TULP4: variants seen among roughly 807,000 people sequenced by gnomAD.
TULP4 encodes TUB like protein 4.
TULP4 carries 16 observed loss-of-function variants against 129.0 expected under a neutral mutation model. The observed-to-expected ratio is 0.12, with a 90% CI of 0.08 to 0.19. The LOEUF is 0.19. Ranked by LOEUF, TULP4 falls within the 10% of genes least tolerant of loss-of-function variation. TULP4 has a pLI of 1.00. For missense variants in TULP4, 1,842 were observed against 2,059.1 expected (o/e 0.89, Z 2.04); for synonymous variants, 998 against 854.0 (o/e 1.17, Z -2.94).
At position 158,347,484 on chromosome 6, in the gene TULP4, C is replaced by T. The variant is rs142655522; in HGVS notation, c.252+33216C>T. ...TGGACTTTTCTTTTAGTCCACATAA[C>T]GGCCAAAATAGTATTTACAAGCATC... On this transcript the variant is annotated intron_variant, in intron 1 of 13. Transcript: ENST00000367097. 5.9e-4 allele frequency among the ~76,000 whole-genome samples: 90 copies of T among 152,318 alleles called. 1 individual carries two copies. In the East Asian group the frequency reaches 9.6e-3, roughly 16 times the overall value.
At position 158,380,819 on chromosome 6, in the gene TULP4, A is replaced by G. The variant is rs528920118; in HGVS notation, c.253-32246A>G. Among the ~76,000 whole-genome samples, 71 of 148,950 alleles carry G rather than the reference A, an allele frequency of 4.8e-4. 1 individual carries two copies. Among genetic ancestry groups the G allele is most frequent in the African/African-American group, 1.7e-3 (67 of 40,494 alleles). ...TGAGGCAAGAGAATTACTGGAACCC[A>G]GGAGGCAGAGGTTGCAGTGAGCCGA... On this transcript the variant is annotated intron_variant, in intron 1 of 13. Transcript: ENST00000367097.
chr6:158,243,417 G>A (rs963688149), intron 1 of TULP4, among the ~76,000 whole-genome samples: 24 of 146,152 alleles, frequency 1.6e-4, no homozygotes, highest in African/African-American at 4.7e-4. Flanking sequence ...GTGTGTATGG[G>A]CGTGTACGTG....
At position 158,504,142 on chromosome 6, in the gene TULP4, C is replaced by T. The variant is rs113907592; in HGVS notation, c.4479C>T (p.Ser1493=). ...LDFGGRVTQE[S]AKNFQIELEG... ...TCGGGGGGCGGGTGACCCAGGAGTC[C>T]GCCAAGAACTTCCAGATTGAGTTAG... The change falls in exon 13 of 14, where the codon TCC becomes TCT. Residue 1493 remains serine, a synonymous_variant. Coordinates refer to ENST00000367097, the MANE Select transcript of TULP4 (RefSeq NM_020245.5). The T allele has an allele frequency of 5.4e-5, 87 of 1,604,778 alleles. No homozygotes were observed. Among genetic ancestry groups the T allele is most frequent in the Middle Eastern group, 3.3e-4 (2 of 6,036 alleles).
intron 8 of TULP4, 38 bp downstream of exon 8, chr6:158,481,327 C>T (rs1779940597): frequency 6.3e-7 from 1 of 1,577,892 alleles, no homozygotes; most frequent in Non-Finnish European, 8.6e-7. Context: ...CCTTGTTCTC[C>T]TGTGGTCATG....
Position 158,503,025 on chromosome 6 carries a change from C to T in TULP4, c.3362C>T (p.Pro1121Leu), listed in dbSNP as rs751594751. Residue 1121 changes from proline to leucine, a missense_variant, in exon 13 of 14, where the codon CCT (proline) becomes CTT (leucine). Coordinates refer to ENST00000367097, the MANE Select transcript of TULP4 (RefSeq NM_020245.5). The surrounding 1 kb of genome is among the most constrained non-coding windows in gnomAD (Gnocchi z 4.3). ...GCTGTCACCCTGAAACGGCCACCCC[C>T]TTACCAGTGGGACCCCATGCTGGGT... Reference protein sequence around the residue: ...EAAVTLKRPPPYQWDPMLGED... With the variant: ...EAAVTLKRPPLYQWDPMLGED... The T allele has an allele frequency of 1.1e-5, 18 of 1,614,176 alleles. No individual in the cohort carries two copies. Among genetic ancestry groups the T allele is most frequent in the South Asian group, 3.3e-5 (3 of 91,084 alleles).
At chr6:158,237,425 G>C (rs565508705) in intron 1 of TULP4, 2 of 1,592,302 alleles carry the variant, frequency 1.3e-6, no homozygotes, top group Non-Finnish European at 1.7e-6. Flanking sequence ...TGTCTTGGGG[G>C]TATGATGTTA....
rs1368076397 is a variant in TULP4 at position 158,374,293 on chromosome 6, A to G, written c.253-38772A>G. The stretch of plus-strand genomic sequence containing the variant: ...CAGAGTGAGACCTTGTCTTTAAAGA[A>G]AAAAAAAAAAAAAAACAAGAAGTAA... On this transcript the variant is annotated intron_variant, in intron 1 of 13. Transcript: ENST00000367097. Among the ~76,000 whole-genome samples, 26 of 34,814 alleles carry G rather than the reference A, an allele frequency of 7.5e-4. No individual in the cohort carries two copies. In the South Asian group the frequency reaches 0.012, roughly 16 times the overall value. The allele number at this position is 34,814 out of a possible 152,430, so 22.8% of individuals were successfully genotyped here.
intron 1 of TULP4, among the ~76,000 whole-genome samples, chr6:158,314,653 C>G (rs903569812): frequency 6.6e-6 from 1 of 152,242 alleles, no homozygotes; most frequent in Non-Finnish European, 1.5e-5. Context: ...GAGTTACCCC[C>G]ACCCCTGATG....
Position 158,429,777 on chromosome 6 carries a change from T to G in TULP4, c.423T>G (p.Leu141=), listed in dbSNP as rs1562562956. 1 of 1,613,918 alleles carries G rather than the reference T, an allele frequency of 6.2e-7. No homozygotes were observed. Among genetic ancestry groups the G allele is most frequent in the East Asian group, 2.2e-5 (1 of 44,848 alleles). ...GGAGCCATGATGGAACTCAAGCACTTATTTCCTATCGAGATGGGTTTGTCC... is the reference window on the plus strand; with the variant it reads ...GGAGCCATGATGGAACTCAAGCACTGATTTCCTATCGAGATGGGTTTGTCC... ...FTWSHDGTQA[L]ISYRDGFVLV... The change falls in exon 3 of 14, where the codon CTT becomes CTG. Residue 141 remains leucine, a synonymous_variant. Coordinates refer to ENST00000367097, the MANE Select transcript of TULP4 (RefSeq NM_020245.5).
intron 3 of TULP4, among the ~76,000 whole-genome samples, chr6:158,438,694 C>G (rs910029770): frequency 3.3e-5 from 5 of 152,066 alleles, no homozygotes; most frequent in African/African-American, 1.2e-4. Context: ...AAGTGATTCT[C>G]CTACCTCAGC....
chr6:158,255,460 G>A (rs1454162975), intron 1 of TULP4, among the ~76,000 whole-genome samples: 2 of 152,092 alleles, frequency 1.3e-5, no homozygotes, highest in Admixed American at 6.6e-5. Context: ...TGACTGTAGG[G>A]GTGAGCCAGA....
At chr6:158,396,156 C>T (rs574285883) in intron 1 of TULP4, among the ~76,000 whole-genome samples, 1 of 152,276 alleles carries the variant, frequency 6.6e-6, no homozygotes, top group South Asian at 2.1e-4. Context: ...TAGTAGAGAA[C>T]CAAGCAGAGT....
chr6:158,493,959 A>G lies in TULP4; in HGVS notation c.1776+242A>G, dbSNP rs2128257744. On this transcript the variant is annotated intron_variant, in intron 10 of 13. Transcript: ENST00000367097. This position sits in a 1 kb window ranked among gnomAD's most constrained non-coding sequence, Gnocchi z 4.4. The stretch of plus-strand genomic sequence containing the variant: ...GGTGGGAGAGAACCTCCCACTTCCC[A>G]TCACAGCTCCCACCGTCCAGCCCTG... Among the ~76,000 whole-genome samples, 1 of 151,888 alleles carries G rather than the reference A, an allele frequency of 6.6e-6. No homozygotes were observed. Among genetic ancestry groups the G allele is most frequent in the African/African-American group, 2.4e-5 (1 of 41,426 alleles).
chr6:158,455,055 A>ATTTTT lies in TULP4; in HGVS notation c.859+2813_859+2817dup, dbSNP rs781328845. On this transcript the variant is annotated intron_variant, in intron 5 of 13. Coordinates refer to ENST00000367097, the MANE Select transcript of TULP4 (RefSeq NM_020245.5). ...TTCTAAAAATACAGGCAAATTTAAC[A>ATTTTT]TTTTTTTTTTTTTTTTTTTTTTTTT... Among the ~76,000 whole-genome samples, 4 of 33,196 alleles carry ATTTTT rather than the reference A, an allele frequency of 1.2e-4. 1 individual carries two copies. Among genetic ancestry groups the ATTTTT allele is most frequent in the African/African-American group, 4.5e-4 (2 of 4,418 alleles). The allele number at this position is 33,196 out of a possible 152,430, so 21.8% of individuals were successfully genotyped here. A position where few individuals can be genotyped will look rare whatever the true frequency, so the allele number is the denominator to read the frequency against.
intron 2 of TULP4, among the ~76,000 whole-genome samples, chr6:158,422,851 T>C (rs565129181): frequency 1.0e-3 from 159 of 152,350 alleles, no homozygotes; most frequent in African/African-American, 3.8e-3. Context: ...GCCAAGGATG[T>C]TCCACACACG....
intron 6 of TULP4, among the ~76,000 whole-genome samples, chr6:158,476,238 A>C (rs1361331988): frequency 6.6e-6 from 1 of 152,186 alleles, no homozygotes; most frequent in Non-Finnish European, 1.5e-5. Flanking sequence ...CTCCCAGAGT[A>C]AGTTTTCACT....
At chr6:158,414,068 G>A (rs1490444954) in intron 2 of TULP4, among the ~76,000 whole-genome samples, 1 of 152,210 alleles carries the variant, frequency 6.6e-6, no homozygotes, top group Non-Finnish European at 1.5e-5. Context: ...TCAGTCAAGT[G>A]ACATAAAATT....
intron 1 of TULP4, among the ~76,000 whole-genome samples, chr6:158,241,053 C>T (rs1191875869): frequency 3.6e-5 from 5 of 137,768 alleles, no homozygotes; most frequent in African/African-American, 1.3e-4. Flanking sequence ...TAGAGACGCT[C>T]CTCACCTCCC....
intron 1 of TULP4, among the ~76,000 whole-genome samples, chr6:158,376,574 C>A (rs1777197010): frequency 6.6e-6 from 1 of 152,226 alleles, no homozygotes; most frequent in African/African-American, 2.4e-5. Context: ...TTAGATCCCA[C>A]CTCTCAAGAG....
Sources: gnomAD v4.1 joint callset for allele counts (sites outside exome capture counted in the v4.1 genomes callset) on GRCh38, gnomAD v4.1.1 for gene constraint, Gnocchi (gnomAD v3.1) non-coding constraint, MANE v1.5 for transcripts, NCBI Gene and HGNC (gene_info 2026-07-23, HGNC 2026-07-21) for gene names.